ATXN7L1: variants seen among roughly 807,000 people sequenced by gnomAD.
ATXN7L1 encodes ataxin-7-like protein 1.
In ATXN7L1, 15 loss-of-function variants were observed where a neutral mutation model predicts 70.8. That is an observed-to-expected ratio of 0.21 (90% confidence interval 0.14 to 0.33). The LOEUF is 0.33. ATXN7L1 is among the 10% of genes least tolerant of loss of function. ATXN7L1 has a pLI of 1.00. For synonymous variants in ATXN7L1, 440 were observed against 445.1 expected (o/e 0.99, Z 0.14); for missense variants, 975 against 1,097.1 (o/e 0.89, Z 1.57).
chr7:105,811,191 T>C (rs1475848842), intron 2 of ATXN7L1, among the ~76,000 whole-genome samples: 2 of 152,164 alleles, frequency 1.3e-5, no homozygotes, highest in South Asian at 2.1e-4. Context: ...GGCGTCCTTA[T>C]ACGACGAGGA....
chr7:105,867,408 A>C (rs1235579273), intron 2 of ATXN7L1, among the ~76,000 whole-genome samples: 1 of 152,226 alleles, frequency 6.6e-6, no homozygotes, highest in Non-Finnish European at 1.5e-5. Context: ...CCACTGTATA[A>C]TAAATGCCAT....
intron 3 of ATXN7L1, among the ~76,000 whole-genome samples, chr7:105,746,511 C>T (rs530830878): frequency 6.6e-6 from 1 of 152,186 alleles, no homozygotes; most frequent in Non-Finnish European, 1.5e-5. Context: ...TGCCTAGAGT[C>T]CTTTGGCCAA....
intron 2 of ATXN7L1, among the ~76,000 whole-genome samples, chr7:105,868,822 C>T (rs1319524171): frequency 6.6e-6 from 1 of 152,170 alleles, no homozygotes; most frequent in Non-Finnish European, 1.5e-5. Context: ...ACATTATTCT[C>T]ATAGAATGAT....
chr7:105,718,265 C>T (rs1331636246), intron 3 of ATXN7L1, among the ~76,000 whole-genome samples: 2 of 152,174 alleles, frequency 1.3e-5, no homozygotes, highest in African/African-American at 2.4e-5. Context: ...AGAAAGTGCA[C>T]GTGGGCACTG....
rs563456712 is a variant in ATXN7L1 at position 105,793,878 on chromosome 7, A to G, written c.251-5170T>C. Among the ~76,000 whole-genome samples the G allele has an allele frequency of 2.6e-5, 4 of 152,286 alleles. No individual in the cohort carries two copies. The South Asian group carries it at 6.2e-4, about 24-fold the overall frequency. On this transcript the variant is annotated intron_variant, in intron 2 of 11. Coordinates refer to ENST00000419735, the MANE Select transcript of ATXN7L1 (RefSeq NM_020725.2). ...CTTTCAGATGAGAAAACAGAGGTAC[A>G]TTGGCTTCTGGGTCAATATTTTTAG...
At chr7:105,768,103 C>T (rs958107523) in intron 3 of ATXN7L1, among the ~76,000 whole-genome samples, 6 of 152,224 alleles carry the variant, frequency 3.9e-5, no homozygotes, top group Non-Finnish European at 7.3e-5. Flanking sequence ...AACCTCTTGT[C>T]TCTGGGAACA....
chr7:105,722,201 G>T (rs563774805), intron 3 of ATXN7L1, among the ~76,000 whole-genome samples: 1 of 152,270 alleles, frequency 6.6e-6, no homozygotes, highest in South Asian at 2.1e-4. Flanking sequence ...CTGAGGGCAG[G>T]GCTGGGACTA....
At chr7:105,727,843 T>G (rs1426314590) in intron 3 of ATXN7L1, among the ~76,000 whole-genome samples, 1 of 145,400 alleles carries the variant, frequency 6.9e-6, no homozygotes, top group Non-Finnish European at 1.5e-5. Context: ...TATATGAATA[T>G]AAATGTTTTC....
intron 2 of ATXN7L1, among the ~76,000 whole-genome samples, chr7:105,837,562 C>T (rs1266003602): frequency 6.6e-6 from 1 of 152,158 alleles, no homozygotes; most frequent in East Asian, 1.9e-4. Flanking sequence ...GACACTGCCT[C>T]CCATCCACAG....
At position 105,805,390 on chromosome 7, in the gene ATXN7L1, G is replaced by A. The variant is rs116172780; in HGVS notation, c.251-16682C>T. ...AAGTTCAGGGGGCTGGCAGCTAGTG[G>A]CACTTGTGCCAGTGGGGAACCTGGG... On this transcript the variant is annotated intron_variant, in intron 2 of 11. Coordinates refer to ENST00000419735, the MANE Select transcript of ATXN7L1 (RefSeq NM_020725.2). Among the ~76,000 whole-genome samples the A allele has an allele frequency of 7.8e-3, 1,189 of 152,318 alleles. 17 individuals are homozygous for A. Among genetic ancestry groups the A allele is most frequent in the African/African-American group, 0.026 (1,075 of 41,566 alleles).
At chr7:105,731,751 A>AGAAAAGAAAAGAAAAGAAAAG (rs1796569844) in intron 3 of ATXN7L1, among the ~76,000 whole-genome samples, 2 of 94,532 alleles carry the variant, frequency 2.1e-5, no homozygotes, top group Admixed American at 1.1e-4. Context: ...ACTCCTTAAA[A>AGAAAAGAAAAGAAAAGAAAAG]AGAAAAGAAA....
In ATXN7L1 at chr7:105,640,080, C is replaced by T. The variant is rs572613657; in HGVS notation, c.863-511G>A. Among the ~76,000 whole-genome samples, 9 of 152,298 alleles carry T rather than the reference C, an allele frequency of 5.9e-5. No individual in the cohort carries two copies. The South Asian group carries it at 1.7e-3, about 28-fold the overall frequency. On this transcript the variant is annotated intron_variant, in intron 5 of 11. Transcript: ENST00000419735. ...TAGCCATGTAAATGGGAGATTACTCCTTGACATGTCAGAGTGACCTGCCTC... is the reference window on the plus strand; with the variant it reads ...TAGCCATGTAAATGGGAGATTACTCTTTGACATGTCAGAGTGACCTGCCTC...
At chr7:105,810,374 C>T (rs1053739305) in intron 2 of ATXN7L1, among the ~76,000 whole-genome samples, 1 of 152,158 alleles carries the variant, frequency 6.6e-6, no homozygotes, top group Admixed American at 6.5e-5. Flanking sequence ...GCCTTGTAGA[C>T]ATCACATGCT....
chr7:105,845,440 A>C (rs12672355), intron 2 of ATXN7L1, among the ~76,000 whole-genome samples: 28,053 of 148,496 alleles, frequency 0.19, 3,405 homozygotes, highest in East Asian at 0.43. Flanking sequence ...GCGTTGGAAG[A>C]CCTAATGTTG....
At chr7:105,819,815 C>T (rs1174468267) in intron 2 of ATXN7L1, 2 of 639,606 alleles carry the variant, frequency 3.1e-6, no homozygotes, top group Non-Finnish European at 6.0e-6. Flanking sequence ...GACGGCATCC[C>T]ACCGCCCTAT....
In ATXN7L1 at chr7:105,790,305, T is replaced by C. The variant is rs189435280; in HGVS notation, c.251-1597A>G. Among the ~76,000 whole-genome samples, 286 of 152,306 alleles carry C rather than the reference T, an allele frequency of 1.9e-3. 1 individual carries two copies. The highest frequency in any genetic ancestry group is 6.5e-3 in the African/African-American group (268 of 41,548). ...ACTTTAAATGGTGAACTGTAGAGTA[T>C]GTGAATTATATCTCAGCTGGGTGTG... On this transcript the variant is annotated intron_variant, in intron 2 of 11. Coordinates refer to ENST00000419735, the MANE Select transcript of ATXN7L1 (RefSeq NM_020725.2).
At chr7:105,706,416 G>A (rs1466449368) in intron 3 of ATXN7L1, among the ~76,000 whole-genome samples, 1 of 151,978 alleles carries the variant, frequency 6.6e-6, no homozygotes, top group African/African-American at 2.4e-5. Context: ...GGCTGGTCTT[G>A]GACTCCTGAC....
At chr7:105,679,523 G>A (rs1240048666) in intron 3 of ATXN7L1, among the ~76,000 whole-genome samples, 1 of 152,208 alleles carries the variant, frequency 6.6e-6, no homozygotes, top group Non-Finnish European at 1.5e-5. Flanking sequence ...GCCTTAGAGA[G>A]AGTAGAGAGG....
rs185721794 is a variant in ATXN7L1, at chr7:105,715,505, G to C, written c.356-50217C>G. On this transcript the variant is annotated intron_variant, in intron 3 of 11. Coordinates refer to ENST00000419735, the MANE Select transcript of ATXN7L1 (RefSeq NM_020725.2). Reference sequence around the variant, plus strand: ...AATTCCTTTGGCTGCCAAGCCAAGGGAATAGCTTTCAAAAAGAAAGAGGCA... The same window carrying C: ...AATTCCTTTGGCTGCCAAGCCAAGGCAATAGCTTTCAAAAAGAAAGAGGCA... Among the ~76,000 whole-genome samples, 536 of 152,340 alleles carry C rather than the reference G, an allele frequency of 3.5e-3. 4 individuals are homozygous for C. Among genetic ancestry groups the C allele is most frequent in the Non-Finnish European group, 4.5e-3 (308 of 68,014 alleles).
Sources: allele counts gnomAD v4.1 joint callset (sites outside exome capture counted in the v4.1 genomes callset), GRCh38; gene constraint gnomAD v4.1.1; transcripts MANE v1.5; gene names NCBI Gene and HGNC (gene_info 2026-07-23, HGNC 2026-07-21).